Variants in CATSPER1 observed in about 807,000 individuals in gnomAD.
CATSPER1 encodes cation channel sperm-associated protein 1.
CATSPER1 carries 57 observed loss-of-function variants against 72.7 expected under a neutral mutation model. The observed-to-expected ratio is 0.78, with a 90% CI of 0.63 to 0.98. The LOEUF (loss-of-function observed/expected upper bound fraction) is 0.98, where lower values mean the gene tolerates loss of function less well. Ranked by LOEUF, CATSPER1 falls within the 50% of genes least tolerant of loss-of-function variation. The pLI is 0.00. For missense variants in CATSPER1, 910 were observed against 1,033.9 expected (o/e 0.88, Z 1.64); for synonymous variants, 363 against 403.0 (o/e 0.90, Z 1.19).
chr11:66,021,633 AATG>A lies in CATSPER1; in HGVS notation c.1551_1553del (p.Ile518del), dbSNP rs1468773679. The A allele has an allele frequency of 6.2e-7, 1 of 1,607,658 alleles. No homozygotes were observed. Among genetic ancestry groups the A allele is most frequent in the Non-Finnish European group, 8.5e-7 (1 of 1,176,804 alleles). On this transcript the variant is annotated inframe_deletion, in exon 4 of 12. Transcript: ENST00000312106. ...AGAAGTCCAGCACGGCCATGGCCAT[AATG>A]AAGAAGTCTGAGGGCACGGGGTGCC...
At chr11:66,022,339 A>G (rs4930332) in intron 2 of CATSPER1, among the ~76,000 whole-genome samples, 2,096 of 152,344 alleles carry the variant, frequency 0.014, 41 homozygotes, top group African/African-American at 0.047. Context: ...CGTCTAAAAT[A>G]AAATAAAATA....
rs1856472333 is a variant in CATSPER1 at position 66,025,279 on chromosome 11, G to A, written c.1101C>T (p.Ser367=). 3 of 1,614,080 alleles carry A rather than the reference G, an allele frequency of 1.9e-6. No homozygotes were observed. The highest frequency in any genetic ancestry group is 2.5e-6 in the Non-Finnish European group (3 of 1,180,044). The change falls in exon 1 of 12, where the codon TCC becomes TCT. Residue 367 remains serine (S), a synonymous_variant. Coordinates refer to ENST00000312106, the MANE Select transcript of CATSPER1 (RefSeq NM_053054.4). ...GGGTGACACGTGAGCGGATTGTGCT[G>A]GAGGACCGAGTCATGCTGTGAGCCG... ...RGSAHSMTRS[S]STIRSRVTQM...
At chr11:66,024,280 T>G (rs1359310515) in intron 1 of CATSPER1, among the ~76,000 whole-genome samples, 27 of 132,872 alleles carry the variant, frequency 2.0e-4, no homozygotes, top group Admixed American at 4.9e-4. Context: ...TGTTTTTTTT[T>G]TTTTTTTTTT....
chr11:66,020,710 T>C lies in CATSPER1; in HGVS notation c.1928-83A>G. ...CCTGCTCCCTTCCCATACCCGGACA[T>C]GCAGGCATCAGAAGCCCCACTTTGC... is the stretch of plus-strand genomic sequence containing the variant. On this transcript the variant is annotated intron_variant, in intron 6 of 11. Transcript: ENST00000312106. The surrounding 1 kb of genome is among the most constrained non-coding windows in gnomAD (Gnocchi z 4.5). 1 of 1,596,164 alleles carries C rather than the reference T, an allele frequency of 6.3e-7. No individual in the cohort carries two copies. The highest frequency in any genetic ancestry group is 8.6e-7 in the Non-Finnish European group (1 of 1,166,588).
At position 66,021,514 on chromosome 11, in the gene CATSPER1, C is replaced by T. The variant is rs765046118; in HGVS notation, c.1673G>A (p.Arg558Gln). 5 of 1,613,636 alleles carry T rather than the reference C, an allele frequency of 3.1e-6. No homozygotes were observed. The highest frequency in any genetic ancestry group is 2.7e-5 in the African/African-American group (2 of 75,062). Residue 558 changes from arginine to glutamine, a missense_variant, in exon 4 of 12, where the codon CGG becomes CAG. Transcript: ENST00000312106. ...FKSLRALRAI[R>Q]VLRRLSFLTS... ...CACTGACCTGAGCCTCCGCAGGACC[C>T]GGATTGCCCTCAGGGCCCGCAGGCT...
intron 10 of CATSPER1, 67 bp downstream of exon 10, chr11:66,018,760 G>T: frequency 6.5e-7 from 1 of 1,533,836 alleles, no homozygotes; most frequent in Non-Finnish European, 9.0e-7. Flanking sequence ...TTTCCCTCCA[G>T]CCCTCCAGCC....
rs1856338884 is a variant in CATSPER1 at position 66,020,510 on chromosome 11, GGA to G, written c.1991+52_1991+53del. 1 of 1,597,762 alleles carries G rather than the reference GGA, an allele frequency of 6.3e-7. No individual in the cohort carries two copies. Among genetic ancestry groups the G allele is most frequent in the Non-Finnish European group, 8.6e-7 (1 of 1,165,942 alleles). On this transcript the variant is annotated intron_variant, in intron 7 of 11. Coordinates refer to ENST00000312106, the MANE Select transcript of CATSPER1 (RefSeq NM_053054.4). This position sits in a 1 kb window ranked among gnomAD's most constrained non-coding sequence, Gnocchi z 4.5. ...AGAGGGCTGGGGTAAGGGTCCCAGG[GGA>G]GAGGAGGAAGTGTGGGTGGTGCTGG...
chr11:66,021,308 CCTGG>C (rs1229073560), intron 4 of CATSPER1, 123 bp from the exon 5 acceptor site: 3 of 1,213,274 alleles, frequency 2.5e-6, no homozygotes, highest in Non-Finnish European at 3.5e-6. Context: ...TTGGGTGAGT[CCTGG>C]CCCCTCTCTG....
Position 66,026,167 on chromosome 11 carries a change from C to G in CATSPER1, c.213G>C (p.Leu71Phe). 6.2e-7 allele frequency: 1 copy of G among 1,605,748 alleles called. No individual in the cohort carries two copies. Among genetic ancestry groups the G allele is most frequent in the East Asian group, 2.2e-5 (1 of 44,638 alleles). Residue 71 changes from leucine (L) to phenylalanine (F), a missense_variant, in exon 1 of 12, where the codon TTG (leucine) becomes TTC (phenylalanine). Transcript: ENST00000312106. ...PEFQDFHDQA[L>F]SSHVHQSHHH... ...GGTGAGATTGGTGGACATGGGAGGA[C>G]AAGGCTTGGTCGTGGAAGTCTTGGA...
In CATSPER1 at chr11:66,017,193, G is replaced by GGGGT; in HGVS notation, c.2202-20_2202-19insACCC. On this transcript the variant is annotated intron_variant, in intron 10 of 11. Coordinates refer to ENST00000312106, the MANE Select transcript of CATSPER1 (RefSeq NM_053054.4). ...CTGCTGCCTGCGGGTGGGCGGGGGGGTCGCAGAGACAGGGGCTGGGCTGAC... is the reference window on the plus strand; with the variant it reads ...CTGCTGCCTGCGGGTGGGCGGGGGGGGGGTTCGCAGAGACAGGGGCTGGGCTGAC... 3 of 493,814 alleles carry GGGGT rather than the reference G, an allele frequency of 6.1e-6. No homozygotes were observed. The highest frequency in any genetic ancestry group is 6.4e-4 in the Middle Eastern group (1 of 1,552). 30.6% of individuals were successfully genotyped at this position (493,814 alleles called of 1,614,324 possible).
rs1350315096 is a variant in CATSPER1, at chr11:66,025,378, C to T, written c.1002G>A (p.Leu334=). ...CAGCAGGGCCGGGGGCATCGTGAAT[C>T]AGGCTCCGGGATGTGTGTGGGATAG... ...QLSIPHTSRS[L]IHDAPGPAAS... is the part of the protein sequence containing the mutation. The change falls in exon 1 of 12, where the codon CTG becomes CTA. Residue 334 remains leucine, a synonymous_variant. Transcript: ENST00000312106. The T allele has an allele frequency of 6.2e-7, 1 of 1,613,980 alleles. No homozygotes were observed. Among genetic ancestry groups the T allele is most frequent in the Non-Finnish European group, 8.5e-7 (1 of 1,180,030 alleles).
At position 66,020,216 on chromosome 11, in the gene CATSPER1, C is replaced by T. The variant is rs745711177; in HGVS notation, c.2065-16G>A. 3 of 1,614,064 alleles carry T rather than the reference C, an allele frequency of 1.9e-6. No individual in the cohort carries two copies. Among genetic ancestry groups the T allele is most frequent in the South Asian group, 2.2e-5 (2 of 91,088 alleles). The stretch of plus-strand genomic sequence containing the variant: ...GGGCGGCCCTCTGGGAAGAAGAGGC[C>T]TCAGATCTGCCAGAGTCCCAGGCCT... On this transcript the variant is annotated splice_polypyrimidine_tract_variant and intron_variant, in intron 8 of 11. Coordinates refer to ENST00000312106, the MANE Select transcript of CATSPER1 (RefSeq NM_053054.4). This position sits in a 1 kb window ranked among gnomAD's most constrained non-coding sequence, Gnocchi z 4.5.
intron 1 of CATSPER1, among the ~76,000 whole-genome samples, chr11:66,023,422 A>C (rs531585149): frequency 1.3e-5 from 2 of 152,178 alleles, no homozygotes; most frequent in Non-Finnish European, 1.5e-5. Context: ...TGTCCCCAGC[A>C]CCCAGTGCCC....
At position 66,025,423 on chromosome 11, in the gene CATSPER1, G is replaced by A; in HGVS notation, c.957C>T (p.Val319=). 4 of 1,613,956 alleles carry A rather than the reference G, an allele frequency of 2.5e-6. No individual in the cohort carries two copies. Among genetic ancestry groups the A allele is most frequent in the Non-Finnish European group, 8.5e-7 (1 of 1,180,008 alleles). Residue 319 remains valine, a synonymous_variant, in exon 1 of 12, where the codon GTC becomes GTT. Coordinates refer to ENST00000312106, the MANE Select transcript of CATSPER1 (RefSeq NM_053054.4). ...GGATAGAGAGTTGGGAAGTGCTCTG[G>A]ACGTAGTCGCCATGGAGGTAACTGG... ...YHSSYLHGDY[V]QSTSQLSIPH...
intron 10 of CATSPER1, among the ~76,000 whole-genome samples, chr11:66,017,945 T>C (rs1419988233): frequency 6.6e-6 from 1 of 152,132 alleles, no homozygotes; most frequent in African/African-American, 2.4e-5. Flanking sequence ...ATGCCTGTAA[T>C]CCCAACACTT....
rs1277969821 is a variant in CATSPER1, at chr11:66,026,202, G to T, written c.178C>A (p.Pro60Thr). 3 of 1,609,326 alleles carry T rather than the reference G, an allele frequency of 1.9e-6. No homozygotes were observed. The highest frequency in any genetic ancestry group is 1.7e-5 in the Admixed American group (1 of 59,932). The change falls in exon 1 of 12, where the codon CCT becomes ACT. Residue 60 changes from proline to threonine, a missense_variant. By Grantham distance (38) the Pro-to-Thr change is conservative. Transcript: ENST00000312106. ...VPHQRGESHH[P>T]PEFQDFHDQA... ...TCGTGGAAGTCTTGGAACTCCGGAGGGTGGTGAGATTCACCACGTTGGTGG... is the reference window on the plus strand; with the variant it reads ...TCGTGGAAGTCTTGGAACTCCGGAGTGTGGTGAGATTCACCACGTTGGTGG...
At chr11:66,024,920 TGG>T (rs1218247363) in intron 1 of CATSPER1, among the ~76,000 whole-genome samples, 6 of 152,186 alleles carry the variant, frequency 3.9e-5, no homozygotes, top group African/African-American at 1.4e-4. Context: ...AATGTTTGAC[TGG>T]TAGACATATG....
chr11:66,018,872 A>G lies in CATSPER1; in HGVS notation c.2156T>C (p.Met719Thr). The change falls in exon 10 of 12, where the codon ATG becomes ACG. Residue 719 changes from methionine (M) to threonine (T), a missense_variant. By Grantham distance (81) the Met-to-Thr change is moderately conservative (BLOSUM62 -1). Coordinates refer to ENST00000312106, the MANE Select transcript of CATSPER1 (RefSeq NM_053054.4). ...EPKEVASEGT[M>T]LKRLIEKKFG... Reference sequence around the variant, plus strand: ...CTTTTTCTCGATGAGCCGCTTCAGCATGGTGCCTTCACTCGCCACCTCTTT... The same window carrying G: ...CTTTTTCTCGATGAGCCGCTTCAGCGTGGTGCCTTCACTCGCCACCTCTTT... The G allele has an allele frequency of 6.2e-7, 1 of 1,613,974 alleles. No homozygotes were observed. The highest frequency in any genetic ancestry group is 1.3e-5 in the African/African-American group (1 of 75,006).
rs1039812641 is a variant in CATSPER1, at chr11:66,017,352, G to A, written c.2202-178C>T. Among the ~76,000 whole-genome samples, 3 of 152,150 alleles carry A rather than the reference G, an allele frequency of 2.0e-5. No individual in the cohort carries two copies. In the East Asian group the frequency reaches 5.8e-4, roughly 29 times the overall value. On this transcript the variant is annotated intron_variant, in intron 10 of 11. Coordinates refer to ENST00000312106, the MANE Select transcript of CATSPER1 (RefSeq NM_053054.4). ...TTTCCAGATATGAGAAAGAGCCCAAGTCTGCCTGTAGCGCAGAGGCTTCTG... is the reference window on the plus strand; with the variant it reads ...TTTCCAGATATGAGAAAGAGCCCAAATCTGCCTGTAGCGCAGAGGCTTCTG...
Sources: allele counts gnomAD v4.1 joint callset (sites outside exome capture counted in the v4.1 genomes callset), GRCh38; gene constraint gnomAD v4.1.1; non-coding constraint Gnocchi (gnomAD v3.1); transcripts MANE v1.5; gene names NCBI Gene and HGNC (gene_info 2026-07-23, HGNC 2026-07-21).